The following RANBP9 variants were observed in gnomAD, a reference collection of about 807,000 sequenced individuals.
RANBP9 encodes the protein ran-binding protein 9.
RANBP9 carries 15 observed loss-of-function variants against 84.3 expected under a neutral mutation model. That is an observed-to-expected ratio of 0.18 (90% CI 0.12 to 0.27). The LOEUF is 0.27. RANBP9 is among the 10% of genes least tolerant of loss of function. RANBP9 has a pLI of 1.00. For synonymous variants in RANBP9, 392 were observed against 349.6 expected (o/e 1.12, Z -1.35); for missense variants, 809 against 912.8 (o/e 0.89, Z 1.46).
chr6:13,675,546 T>A (rs1231477504), intron 2 of RANBP9, among the ~76,000 whole-genome samples: 1 of 152,130 alleles, frequency 6.6e-6, no homozygotes, highest in East Asian at 1.9e-4. Flanking sequence ...TAAAAATCAA[T>A]GATTTAACTT....
At chr6:13,654,695 C>T (rs542443948) in intron 4 of RANBP9, among the ~76,000 whole-genome samples, 1 of 152,294 alleles carries the variant, frequency 6.6e-6, no homozygotes, top group African/African-American at 2.4e-5. Context: ...GCCACTGTAA[C>T]AGGAAAGCAA....
At chr6:13,622,953 T>C (rs949820911) in intron 13 of RANBP9, among the ~76,000 whole-genome samples, 2 of 152,220 alleles carry the variant, frequency 1.3e-5, no homozygotes, top group Non-Finnish European at 2.9e-5. Context: ...CCTAGCCATC[T>C]CCAAGGCATA....
intron 11 of RANBP9, among the ~76,000 whole-genome samples, chr6:13,632,945 A>C (rs1392510947): frequency 3.9e-5 from 6 of 152,142 alleles, no homozygotes; most frequent in Admixed American, 3.9e-4. Flanking sequence ...GAAAAGCTAA[A>C]TGACTACAAT....
At chr6:13,644,843 C>G (rs1031861248) in intron 5 of RANBP9, 114 bp from the exon 6 acceptor site, 2 of 898,302 alleles carry the variant, frequency 2.2e-6, no homozygotes, top group African/African-American at 3.5e-5. Context: ...ATTTTAAAAT[C>G]CCAATCAAAA....
At chr6:13,646,535 A>T (rs889732339) in intron 5 of RANBP9, among the ~76,000 whole-genome samples, 2 of 152,242 alleles carry the variant, frequency 1.3e-5, no homozygotes, top group African/African-American at 4.8e-5. Flanking sequence ...CTGTTCATTA[A>T]GCAGTTTATA....
At chr6:13,664,360 G>A (rs952902476) in intron 2 of RANBP9, among the ~76,000 whole-genome samples, 7 of 151,990 alleles carry the variant, frequency 4.6e-5, no homozygotes, top group Non-Finnish European at 1.0e-4. Context: ...GTAAATAAAT[G>A]GCAAAACATA....
chr6:13,631,575 C>A (rs1764782195), intron 12 of RANBP9, among the ~76,000 whole-genome samples: 2 of 152,192 alleles, frequency 1.3e-5, no homozygotes. Flanking sequence ...GAAACAGCGG[C>A]AGGAATCTTT....
chr6:13,689,131 T>C (rs886390083), intron 2 of RANBP9, among the ~76,000 whole-genome samples: 1 of 152,024 alleles, frequency 6.6e-6, no homozygotes, highest in African/African-American at 2.4e-5. Context: ...TACTACAGCC[T>C]GGGTGACAGA....
chr6:13,632,366 T>G lies in RANBP9; in HGVS notation c.1947+4A>C, dbSNP rs1764812843. On this transcript the variant is annotated splice_donor_region_variant and intron_variant, in intron 12 of 13. Coordinates refer to ENST00000011619, the MANE Select transcript of RANBP9 (RefSeq NM_005493.3). ...CATAATTTTTCAAGAAAAAATATATTCACCTTCAACATTTTTTTGTTTGCA... is the reference window on the plus strand; with the variant it reads ...CATAATTTTTCAAGAAAAAATATATGCACCTTCAACATTTTTTTGTTTGCA... 1.9e-6 allele frequency: 3 copies of G among 1,607,022 alleles called. No individual in the cohort carries two copies. The highest frequency in any genetic ancestry group is 2.5e-6 in the Non-Finnish European group (3 of 1,177,418).
At chr6:13,642,239 TAA>T (rs1179704341) in intron 7 of RANBP9, among the ~76,000 whole-genome samples, 1 of 152,148 alleles carries the variant, frequency 6.6e-6, no homozygotes, top group East Asian at 1.9e-4. Context: ...AAAAAAATGG[TAA>T]AGACATTCCT....
chr6:13,621,712 A>G lies in RANBP9; in HGVS notation c.*650T>C, dbSNP rs1348858163. ...ATACAACAGTTAAACTTGTGAGTCT[A>G]CAACAGAAGTCATCTGTAGTTAAAC... On this transcript the variant is annotated 3_prime_UTR_variant, in exon 14 of 14. Coordinates refer to ENST00000011619, the MANE Select transcript of RANBP9 (RefSeq NM_005493.3). 1 of 152,672 alleles carries G rather than the reference A, an allele frequency of 6.5e-6. No homozygotes were observed. Among genetic ancestry groups the G allele is most frequent in the African/African-American group, 2.4e-5 (1 of 41,462 alleles). The allele number at this position is 152,672 out of a possible 1,614,324, so 9.5% of individuals were successfully genotyped here.
intron 4 of RANBP9, among the ~76,000 whole-genome samples, chr6:13,653,388 C>T (rs77582655): frequency 0.013 from 1,969 of 152,224 alleles, 45 homozygotes; most frequent in African/African-American, 0.045. Flanking sequence ...TTAACGACCT[C>T]CTTTAAATAT....
chr6:13,627,685 C>G (rs371091781), intron 12 of RANBP9, among the ~76,000 whole-genome samples: 2 of 148,586 alleles, frequency 1.3e-5, no homozygotes, highest in African/African-American at 2.5e-5. Flanking sequence ...GAGCTTTGCT[C>G]AAGACTTAAT....
intron 6 of RANBP9, among the ~76,000 whole-genome samples, chr6:13,644,215 T>G (rs1584919337): frequency 1.3e-5 from 2 of 152,282 alleles, no homozygotes; most frequent in East Asian, 3.9e-4. Context: ...TTATTAAAAG[T>G]TAAATTGTAT....
Position 13,629,913 on chromosome 6 carries a change from C to G in RANBP9, c.1947+2457G>C, listed in dbSNP as rs532417225. Among the ~76,000 whole-genome samples the G allele has an allele frequency of 7.4e-3, 931 of 125,170 alleles. 4 individuals carry two copies. Among genetic ancestry groups the G allele is most frequent in the African/African-American group, 0.026 (864 of 33,568 alleles). 82.1% of individuals were successfully genotyped at this position (125,170 alleles called of 152,430 possible). A position where few individuals can be genotyped will look rare whatever the true frequency, so the allele number is the denominator to read the frequency against. On this transcript the variant is annotated intron_variant, in intron 12 of 13. Coordinates refer to ENST00000011619, the MANE Select transcript of RANBP9 (RefSeq NM_005493.3). Reference sequence around the variant, plus strand: ...TGTCTCTGTCTCTCTCTCTCTCTCTCTCTCTCTCGTGTGTGTGTGTGTGTG... The same window carrying G: ...TGTCTCTGTCTCTCTCTCTCTCTCTGTCTCTCTCGTGTGTGTGTGTGTGTG...
chr6:13,653,857 G>A (rs1339254088), intron 4 of RANBP9, among the ~76,000 whole-genome samples: 4 of 151,972 alleles, frequency 2.6e-5, no homozygotes, highest in South Asian at 2.1e-4. Flanking sequence ...TTTTCCCCAC[G>A]TAAAACATTA....
At chr6:13,657,309 A>T (rs746627655) in intron 3 of RANBP9, 33 bp from the exon 4 acceptor site, 1 of 1,573,844 alleles carries the variant, frequency 6.4e-7, no homozygotes, top group Non-Finnish European at 8.7e-7. Context: ...TTTACAATGA[A>T]AAGTAAGGTT....
intron 2 of RANBP9, among the ~76,000 whole-genome samples, chr6:13,696,281 T>G (rs893504986): frequency 1.3e-5 from 2 of 152,136 alleles, no homozygotes; most frequent in African/African-American, 4.8e-5. Flanking sequence ...TAAAATTTGG[T>G]TCCAGGCCCT....
intron 1 of RANBP9, among the ~76,000 whole-genome samples, chr6:13,709,669 C>T (rs114832046): frequency 0.016 from 2,454 of 152,210 alleles, 72 homozygotes; most frequent in African/African-American, 0.056. Flanking sequence ...GGATGTATGG[C>T]GAGAATAAAA....
Sources: allele counts gnomAD v4.1 joint callset (sites outside exome capture counted in the v4.1 genomes callset), GRCh38; gene constraint gnomAD v4.1.1; transcripts MANE v1.5; gene names NCBI Gene and HGNC (gene_info 2026-07-23, HGNC 2026-07-21).